Variants in TMEM178B observed in about 807,000 individuals in gnomAD.
TMEM178B encodes transmembrane protein 178B.
In TMEM178B, 5 loss-of-function variants were observed where a neutral mutation model predicts 31.0. The ratio of observed to expected loss-of-function variants is 0.16; its 90% CI spans 0.08 to 0.34. TMEM178B has a LOEUF of 0.34. Ranked by LOEUF, TMEM178B falls within the 10% of genes least tolerant of loss-of-function variation. The probability of loss-of-function intolerance (pLI) is 1.00; values close to 1 mark genes in which losing one functional copy is unlikely to be tolerated. For missense variants in TMEM178B, 275 were observed against 400.3 expected (o/e 0.69, Z 2.67); for synonymous variants, 164 against 164.0 (o/e 1.00, Z 0.00).
At chr7:141,502,283 T>C in the TMEM178B span, among the ~76,000 whole-genome samples, 1 of 128,502 alleles carries the variant, frequency 7.8e-6, no homozygotes, top group South Asian at 2.1e-4. Context: ...ATCCTGCTAG[T>C]GTTCCAGTGA....
the TMEM178B span, among the ~76,000 whole-genome samples, chr7:141,503,280 C>T: frequency 9.2e-5 from 14 of 152,194 alleles, no homozygotes; most frequent in African/African-American, 2.9e-4. Context: ...AGTGCTATTA[C>T]TATTGTCATT....
intron 2 of TMEM178B, chr7:141,414,737 A>G (rs1183247531): frequency 6.6e-6 from 1 of 152,316 alleles, no homozygotes; most frequent in African/African-American, 2.4e-5. Flanking sequence ...AAATACACTA[A>G]GTTATTATAA....
chr7:141,084,409 G>A (rs1391412660), intron 1 of TMEM178B, among the ~76,000 whole-genome samples: 1 of 152,206 alleles, frequency 6.6e-6, no homozygotes, highest in Non-Finnish European at 1.5e-5. Context: ...CATTACTTGA[G>A]GTGAAAGATT....
At chr7:141,191,854 G>A (rs1219644464) in intron 1 of TMEM178B, among the ~76,000 whole-genome samples, 1 of 152,096 alleles carries the variant, frequency 6.6e-6, no homozygotes, top group Non-Finnish European at 1.5e-5. Context: ...AAATTTATCA[G>A]TATTTTCTTT....
At chr7:141,416,061 G>C (rs1801090252) in intron 2 of TMEM178B, 1 of 152,714 alleles carries the variant, frequency 6.5e-6, no homozygotes, top group African/African-American at 2.4e-5. Flanking sequence ...AGATCTGAGA[G>C]CCAGAAGGAG....
the TMEM178B span, among the ~76,000 whole-genome samples, chr7:141,497,388 G>C: frequency 3.3e-5 from 5 of 152,116 alleles, no homozygotes; most frequent in Non-Finnish European, 7.4e-5. Context: ...CAAGAAAATG[G>C]TTGCCTTTAG....
chr7:141,126,961 A>G (rs1586784446), intron 1 of TMEM178B, among the ~76,000 whole-genome samples: 1 of 151,878 alleles, frequency 6.6e-6, no homozygotes, highest in African/African-American at 2.4e-5. Flanking sequence ...AGGCTGTAGG[A>G]TCAGGCGGAT....
intron 1 of TMEM178B, among the ~76,000 whole-genome samples, chr7:141,105,211 T>A (rs1795122564): frequency 6.6e-6 from 1 of 152,082 alleles, no homozygotes; most frequent in Admixed American, 6.5e-5. Flanking sequence ...AAGATTTTAT[T>A]TAAAAGAGGG....
chr7:141,314,637 T>C (rs908969786), intron 2 of TMEM178B, among the ~76,000 whole-genome samples: 3 of 152,214 alleles, frequency 2.0e-5, no homozygotes, highest in Non-Finnish European at 4.4e-5. Flanking sequence ...CTCATTCATC[T>C]TTCCTATTCA....
chr7:141,337,247 A>T, intron 2 of TMEM178B, among the ~76,000 whole-genome samples: 1 of 92,358 alleles, frequency 1.1e-5, no homozygotes, highest in Non-Finnish European at 2.2e-5. Context: ...CACTACCACC[A>T]TGATCACATC....
At chr7:141,366,995 G>C (rs1800018274) in intron 2 of TMEM178B, among the ~76,000 whole-genome samples, 1 of 151,254 alleles carries the variant, frequency 6.6e-6, no homozygotes. Context: ...TGGTGGAGCT[G>C]CTCCTTGATG....
At chr7:141,262,474 A>T (rs993858559) in intron 2 of TMEM178B, among the ~76,000 whole-genome samples, 3 of 131,864 alleles carry the variant, frequency 2.3e-5, no homozygotes, top group African/African-American at 5.9e-5. Flanking sequence ...AAATACATAT[A>T]ATATATATAT....
intron 1 of TMEM178B, among the ~76,000 whole-genome samples, chr7:141,118,612 C>T (rs17161926): frequency 0.24 from 36,987 of 152,056 alleles, 4,721 homozygotes; most frequent in South Asian, 0.46. Flanking sequence ...TCGTTAGAGT[C>T]CTGTGCAAGT....
chr7:141,142,149 G>C (rs1008479964), intron 1 of TMEM178B, among the ~76,000 whole-genome samples: 9,254 of 152,194 alleles, frequency 0.061, 947 homozygotes, highest in African/African-American at 0.21. Context: ...AACATGCAGT[G>C]TTTGGTTTTC....
intron 2 of TMEM178B, among the ~76,000 whole-genome samples, chr7:141,383,806 A>G (rs1326053765): frequency 6.6e-6 from 1 of 152,192 alleles, no homozygotes; most frequent in Non-Finnish European, 1.5e-5. Flanking sequence ...GTCTTCTACA[A>G]TGGTTGAACT....
At chr7:141,256,879 C>T (rs1346354470) in intron 2 of TMEM178B, among the ~76,000 whole-genome samples, 1 of 152,118 alleles carries the variant, frequency 6.6e-6, no homozygotes, top group African/African-American at 2.4e-5. Flanking sequence ...CTGAAATGTG[C>T]AACACTAAGA....
At chr7:141,459,125 G>A (rs945867198) in intron 3 of TMEM178B, among the ~76,000 whole-genome samples, 1 of 152,186 alleles carries the variant, frequency 6.6e-6, no homozygotes, top group African/African-American at 2.4e-5. Context: ...CGCCTCCGGG[G>A]TTCAAGCAAT....
intron 2 of TMEM178B, among the ~76,000 whole-genome samples, chr7:141,361,809 C>T (rs973449707): frequency 6.6e-6 from 1 of 152,164 alleles, no homozygotes; most frequent in African/African-American, 2.4e-5. Flanking sequence ...AGTAGGAAAA[C>T]AAAAGAAAAG....
chr7:141,113,730 A>G (rs1795272755), intron 1 of TMEM178B, among the ~76,000 whole-genome samples: 1 of 152,180 alleles, frequency 6.6e-6, no homozygotes, highest in South Asian at 2.1e-4. Context: ...CATGCACATC[A>G]TTACATGCCA....
Sources: allele counts gnomAD v4.1 joint callset (sites outside exome capture counted in the v4.1 genomes callset), GRCh38; gene constraint gnomAD v4.1.1; transcripts MANE v1.5; gene names NCBI Gene and HGNC (gene_info 2026-07-23, HGNC 2026-07-21).